Variants in VAV2 observed in about 807,000 individuals in gnomAD.
The protein encoded by VAV2 is guanine nucleotide exchange factor VAV2.
In VAV2, 67 loss-of-function variants were observed where a neutral mutation model predicts 132.5. That is an observed-to-expected ratio of 0.51 (90% CI 0.42 to 0.62). The LOEUF (loss-of-function observed/expected upper bound fraction) is 0.62. VAV2 is among the 20% of genes least tolerant of loss of function. The pLI, the probability that VAV2 is intolerant of heterozygous loss-of-function variation, is 0.00. For synonymous variants in VAV2, 492 were observed against 443.5 expected, an observed-to-expected ratio of 1.11 and a Z score of -1.37; for missense variants, 938 against 1,153.6, an observed-to-expected ratio of 0.81 and a Z score of 2.71.
chr9:133,773,336 T>C (rs581622), intron 25 of VAV2, among the ~76,000 whole-genome samples: 75,268 of 151,900 alleles, frequency 0.5, 19,855 homozygotes, highest in African/African-American at 0.65. Context: ...CTGTATGGGG[T>C]GCTTATCATG....
chr9:133,818,533 G>A lies in VAV2; in HGVS notation c.450-6317C>T, dbSNP rs534320045. 6.6e-5 allele frequency among the ~76,000 whole-genome samples: 10 copies of A among 152,282 alleles called. No homozygotes were observed. In the South Asian group the frequency reaches 2.1e-3, roughly 32 times the overall value. ...ACCAGGACTCAGGCCTTTGGCCTTG[G>A]GCTGACACATCACTGGCTCCCTGGT... is the stretch of plus-strand genomic sequence containing the variant. On this transcript the variant is annotated intron_variant, in intron 4 of 29. Transcript: ENST00000371850.
At chr9:133,845,752 T>C (rs773691515) in intron 3 of VAV2, among the ~76,000 whole-genome samples, 1 of 152,244 alleles carries the variant, frequency 6.6e-6, no homozygotes, top group Admixed American at 6.5e-5. Context: ...GTATTCTCTC[T>C]GAGTCCACTG....
intron 2 of VAV2, among the ~76,000 whole-genome samples, chr9:133,898,730 G>C (rs559572099): frequency 6.6e-6 from 1 of 151,964 alleles, no homozygotes; most frequent in African/African-American, 2.4e-5. Context: ...GGCCAGGCCT[G>C]AGCTGGTGCT....
At position 133,788,803 on chromosome 9, in the gene VAV2, G is replaced by T. The variant is rs1212386916; in HGVS notation, c.1275-317C>A. Among the ~76,000 whole-genome samples, 1 of 152,150 alleles carries T rather than the reference G, an allele frequency of 6.6e-6. No homozygotes were observed. Among genetic ancestry groups the T allele is most frequent in the African/African-American group, 2.4e-5 (1 of 41,448 alleles). On this transcript the variant is annotated intron_variant, in intron 14 of 29. Coordinates refer to ENST00000371850, the MANE Select transcript of VAV2 (RefSeq NM_001134398.2). The surrounding 1 kb of genome is among the most constrained non-coding windows in gnomAD (Gnocchi z 5.3). ...CCGACGGCTACTCCCAGTTGATCCC[G>T]CGCTGGACTGGGAGCCTCAAGAGGG...
chr9:133,863,248 CT>C lies in VAV2; in HGVS notation c.322-1817del, dbSNP rs1407017796. Among the ~76,000 whole-genome samples, 1 of 152,252 alleles carries C rather than the reference CT, an allele frequency of 6.6e-6. No individual in the cohort carries two copies. The highest frequency in any genetic ancestry group is 1.5e-5 in the Non-Finnish European group (1 of 68,042). On this transcript the variant is annotated intron_variant, in intron 2 of 29. Coordinates refer to ENST00000371850, the MANE Select transcript of VAV2 (RefSeq NM_001134398.2). The surrounding 1 kb of genome is among the most constrained non-coding windows in gnomAD (Gnocchi z 5.0). ...GGCAACTACAGGGCACCCAAGCCCC[CT>C]CTCACACACCTCCTGCGGCAGACGT...
At chr9:133,936,137 G>A (rs993395262) in intron 2 of VAV2, among the ~76,000 whole-genome samples, 2 of 152,166 alleles carry the variant, frequency 1.3e-5, no homozygotes, top group African/African-American at 4.8e-5. Context: ...CTTGGGCGAG[G>A]CCGCACCCTG....
rs1022620814 is a variant in VAV2, at chr9:133,804,021, C to A, written c.836+2060G>T. On this transcript the variant is annotated intron_variant, in intron 9 of 29. Transcript: ENST00000371850. The surrounding 1 kb of genome is among the most constrained non-coding windows in gnomAD (Gnocchi z 4.5). Reference sequence around the variant, plus strand: ...CTCTCCAGCAACGCCGCAGCTCCCCCCGGAGCTTCTCTATCTTGTCTTGGT... The same window carrying A: ...CTCTCCAGCAACGCCGCAGCTCCCCACGGAGCTTCTCTATCTTGTCTTGGT... Among the ~76,000 whole-genome samples the A allele has an allele frequency of 6.6e-6, 1 of 152,168 alleles. No individual in the cohort carries two copies. The highest frequency in any genetic ancestry group is 1.5e-5 in the Non-Finnish European group (1 of 68,032).
rs1393905632 is a variant in VAV2 at position 133,992,189 on chromosome 9, G to A, written c.90C>T (p.Val30=). Residue 30 remains valine, a synonymous_variant, in exon 1 of 30, where the codon GTC becomes GTT. Coordinates refer to ENST00000371850, the MANE Select transcript of VAV2 (RefSeq NM_001134398.2). This position sits in a 1 kb window ranked among gnomAD's most constrained non-coding sequence, Gnocchi z 5.5. The stretch of plus-strand genomic sequence containing the variant: ...CGCGCAGCGCCTGCGCCAGGTCGAA[G>A]ACCACGGCCGAGGGCCACACCACCC... ...NHRVVWPSAV[V]FDLAQALRDG... is the part of the protein sequence containing the mutation. 1 of 1,598,456 alleles carries A rather than the reference G, an allele frequency of 6.3e-7. No homozygotes were observed. The highest frequency in any genetic ancestry group is 2.3e-5 in the East Asian group (1 of 43,928).
At position 133,833,329 on chromosome 9, in the gene VAV2, C is replaced by T. The variant is rs1475589620; in HGVS notation, c.449+943G>A. ...CATACACAGCAGGCACTCCCATACA[C>T]GCAGCTCCCCCTCTTACTCCTCTCC... On this transcript the variant is annotated intron_variant, in intron 4 of 29. Coordinates refer to ENST00000371850, the MANE Select transcript of VAV2 (RefSeq NM_001134398.2). The surrounding 1 kb of genome is among the most constrained non-coding windows in gnomAD (Gnocchi z 5.6). 1.3e-5 allele frequency among the ~76,000 whole-genome samples: 2 copies of T among 152,186 alleles called. No homozygotes were observed. The highest frequency in any genetic ancestry group is 2.1e-4 in the South Asian group (1 of 4,828).
chr9:133,798,681 G>C (rs1420226687), intron 9 of VAV2, among the ~76,000 whole-genome samples: 1 of 152,180 alleles, frequency 6.6e-6, no homozygotes, highest in Non-Finnish European at 1.5e-5. Flanking sequence ...TGACAATGTT[G>C]GTGACAACAA....
chr9:133,832,621 C>T (rs1017119373), intron 4 of VAV2, among the ~76,000 whole-genome samples: 1 of 152,024 alleles, frequency 6.6e-6, no homozygotes, highest in Admixed American at 6.6e-5. Flanking sequence ...TGCAGTGGCG[C>T]AATCTTGGCT....
chr9:133,910,288 G>A (rs1334356763), intron 2 of VAV2, among the ~76,000 whole-genome samples: 3 of 152,138 alleles, frequency 2.0e-5, no homozygotes, highest in Admixed American at 6.5e-5. Context: ...CCTCCAAGAC[G>A]AACAAACCCT....
At chr9:133,793,127 C>A (rs550315854) in intron 12 of VAV2, among the ~76,000 whole-genome samples, 1 of 152,142 alleles carries the variant, frequency 6.6e-6, no homozygotes, top group Non-Finnish European at 1.5e-5. Flanking sequence ...TGGCCACCCC[C>A]ACTCCGGCGC....
intron 5 of VAV2, among the ~76,000 whole-genome samples, chr9:133,811,705 G>C (rs1007185383): frequency 6.6e-6 from 1 of 152,218 alleles, no homozygotes; most frequent in Admixed American, 6.5e-5. Context: ...CACACAAAGG[G>C]GGAAAATGAC....
intron 2 of VAV2, among the ~76,000 whole-genome samples, chr9:133,864,539 C>A (rs143693557): frequency 2.0e-5 from 3 of 152,154 alleles, no homozygotes; most frequent in Non-Finnish European, 1.5e-5. Flanking sequence ...TCCAAGACAC[C>A]GGCAGCCCGT....
intron 19 of VAV2, among the ~76,000 whole-genome samples, chr9:133,781,127 A>G (rs987328939): frequency 6.6e-6 from 1 of 152,080 alleles, no homozygotes; most frequent in Admixed American, 6.5e-5. Context: ...ATTGGTATGC[A>G]TGCTACCTGC....
chr9:133,790,362 A>G lies in VAV2; in HGVS notation c.1189-1019T>C, dbSNP rs150948651. On this transcript the variant is annotated intron_variant, in intron 13 of 29. Coordinates refer to ENST00000371850, the MANE Select transcript of VAV2 (RefSeq NM_001134398.2). ...TGGCTAATTTTTGTATTTTTAGTAG[A>G]GACAGGGTTTTACCACATTTGCCAG... Among the ~76,000 whole-genome samples the G allele has an allele frequency of 4.6e-3, 697 of 152,232 alleles. 7 individuals are homozygous for G. The highest frequency in any genetic ancestry group is 0.02 in the Middle Eastern group (6 of 294).
chr9:133,961,047 C>A lies in VAV2; in HGVS notation c.205-21828G>T, dbSNP rs1459120073. On this transcript the variant is annotated intron_variant, in intron 1 of 29. Coordinates refer to ENST00000371850, the MANE Select transcript of VAV2 (RefSeq NM_001134398.2). This position sits in a 1 kb window ranked among gnomAD's most constrained non-coding sequence, Gnocchi z 4.1. ...CTGCCTGGGAGCGCAGGTGAGGGAGCAGGGGCCTCCACTGGCCCACACCCG... is the reference window on the plus strand; with the variant it reads ...CTGCCTGGGAGCGCAGGTGAGGGAGAAGGGGCCTCCACTGGCCCACACCCG... Among the ~76,000 whole-genome samples the A allele has an allele frequency of 6.6e-6, 1 of 152,226 alleles. No individual in the cohort carries two copies. Among genetic ancestry groups the A allele is most frequent in the Non-Finnish European group, 1.5e-5 (1 of 68,034 alleles).
intron 3 of VAV2, among the ~76,000 whole-genome samples, chr9:133,851,867 G>A (rs1837190692): frequency 6.7e-6 from 1 of 150,022 alleles, no homozygotes; most frequent in South Asian, 2.1e-4. Flanking sequence ...ATGGATAGGT[G>A]GGTGAATAAA....
Sources: allele counts gnomAD v4.1 joint callset (sites outside exome capture counted in the v4.1 genomes callset), GRCh38; gene constraint gnomAD v4.1.1; non-coding constraint Gnocchi (gnomAD v3.1); transcripts MANE v1.5; gene names NCBI Gene and HGNC (gene_info 2026-07-23, HGNC 2026-07-21).